DCDC2: variants seen among roughly 807,000 people sequenced by gnomAD.
DCDC2 encodes the protein doublecortin domain containing 2, also known as doublecortin domain-containing protein 2.
A neutral mutation model predicts 50.2 loss-of-function variants in DCDC2; 40 were observed. That is an observed-to-expected ratio of 0.80 (90% CI 0.62 to 1.04). The LOEUF is 1.04. DCDC2 is among the 50% of genes least tolerant of loss of function. The probability of loss-of-function intolerance (pLI) is 0.00; values close to 1 mark genes in which losing one functional copy is unlikely to be tolerated. For missense variants in DCDC2, 570 were observed against 581.9 expected (o/e 0.98, Z 0.21); for synonymous variants, 234 against 210.6 (o/e 1.11, Z -0.96).
At chr6:24,346,437 T>C (rs1324834117) in intron 2 of DCDC2, among the ~76,000 whole-genome samples, 1 of 152,144 alleles carries the variant, frequency 6.6e-6, no homozygotes, top group Non-Finnish European at 1.5e-5. Flanking sequence ...ATATCCACTC[T>C]AGTTCTACAA....
At chr6:24,253,799 G>A (rs1342778873) in intron 7 of DCDC2, among the ~76,000 whole-genome samples, 2 of 152,188 alleles carry the variant, frequency 1.3e-5, no homozygotes, top group South Asian at 2.1e-4. Context: ...TCAGTGGTGA[G>A]TGAAGGTGAA....
At chr6:24,210,090 G>GTCTT (rs1761833376) in intron 7 of DCDC2, among the ~76,000 whole-genome samples, 1 of 150,686 alleles carries the variant, frequency 6.6e-6, no homozygotes, top group African/African-American at 2.5e-5. Flanking sequence ...CTGCCTGTCT[G>GTCTT]TCTTCACCCT....
intron 6 of DCDC2, among the ~76,000 whole-genome samples, chr6:24,280,851 A>G (rs1019835952): frequency 6.6e-6 from 1 of 152,164 alleles, no homozygotes; most frequent in Non-Finnish European, 1.5e-5. Context: ...GATTTTAAAA[A>G]TTTAAAAGCT....
intron 7 of DCDC2, among the ~76,000 whole-genome samples, chr6:24,207,376 T>C (rs1490550316): frequency 2.0e-5 from 3 of 152,098 alleles, no homozygotes; most frequent in African/African-American, 7.2e-5. Context: ...TTTAAAACCA[T>C]ATCATGAGCA....
rs754765133 is a variant in DCDC2 at position 24,178,648 on chromosome 6, G to A, written c.1024-16C>T. The A allele has an allele frequency of 5.7e-5, 92 of 1,602,844 alleles. No homozygotes were observed. Among genetic ancestry groups the A allele is most frequent in the Non-Finnish European group, 7.2e-5 (85 of 1,175,700 alleles). ...CTGCTGGCCTCTGATGGATCAAAAG[G>A]AATAATGGATAAAAGTAAGAAGCAT... On this transcript the variant is annotated splice_polypyrimidine_tract_variant and intron_variant, in intron 8 of 9. Coordinates refer to ENST00000378454, the MANE Select transcript of DCDC2 (RefSeq NM_016356.5).
chr6:24,343,002 T>C (rs1386794106), intron 2 of DCDC2, among the ~76,000 whole-genome samples: 1 of 152,102 alleles, frequency 6.6e-6, no homozygotes, highest in African/African-American at 2.4e-5. Flanking sequence ...AGTCTTTTTA[T>C]ATCTGCAGGC....
At chr6:24,284,766 T>C (rs1763558010) in intron 6 of DCDC2, among the ~76,000 whole-genome samples, 1 of 152,124 alleles carries the variant, frequency 6.6e-6, no homozygotes, top group Non-Finnish European at 1.5e-5. Context: ...ACGGCCTTCT[T>C]TCTGCCCTCC....
intron 7 of DCDC2, among the ~76,000 whole-genome samples, chr6:24,263,828 A>AT (rs1489951724): frequency 3.3e-5 from 5 of 152,216 alleles, no homozygotes; most frequent in African/African-American, 1.2e-4. Flanking sequence ...TCAAAGACTA[A>AT]TAACAGAGAA....
upstream of DCDC2, among the ~76,000 whole-genome samples, chr6:24,358,963 TATTATATATTTTATAC>T (rs1760566100): frequency 1.2e-5 from 1 of 81,254 alleles, no homozygotes; most frequent in Non-Finnish European, 2.1e-5. Flanking sequence ...ATATATTATA[TATTATATATTTTATAC>T]ATTATATATT....
At chr6:24,274,843 C>T (rs1763317870) in intron 7 of DCDC2, among the ~76,000 whole-genome samples, 3 of 151,658 alleles carry the variant, frequency 2.0e-5, no homozygotes, top group South Asian at 4.2e-4. Context: ...AATGAAAATA[C>T]TATATAGGTA....
Position 24,204,974 on chromosome 6 carries a change from C to G in DCDC2, c.1023+28G>C, listed in dbSNP as rs78262046. 5.7e-3 allele frequency: 8,995 copies of G among 1,591,340 alleles called. 82 individuals are homozygous for G. Among genetic ancestry groups the G allele is most frequent in the African/African-American group, 0.038 (2,820 of 74,126 alleles). Reference sequence around the variant, plus strand: ...GAAAAAAAACACTATAATTGTCTTACACATATTTTTTAAGGCATGGAGATT... The same window carrying G: ...GAAAAAAAACACTATAATTGTCTTAGACATATTTTTTAAGGCATGGAGATT... On this transcript the variant is annotated intron_variant, in intron 8 of 9. Transcript: ENST00000378454.
chr6:24,360,506 A>G (rs1431799016), upstream of DCDC2, among the ~76,000 whole-genome samples: 2 of 152,178 alleles, frequency 1.3e-5, no homozygotes, highest in Non-Finnish European at 2.9e-5. Flanking sequence ...CATCTGTGCT[A>G]TTTGTGTAGA....
At chr6:24,184,844 C>G (rs1292953478) in intron 8 of DCDC2, among the ~76,000 whole-genome samples, 1 of 152,094 alleles carries the variant, frequency 6.6e-6, no homozygotes, top group South Asian at 2.1e-4. Context: ...TAAACTTGCC[C>G]TATTATTCAG....
upstream of DCDC2, among the ~76,000 whole-genome samples, chr6:24,360,633 A>G (rs1269104370): frequency 6.6e-6 from 1 of 152,160 alleles, no homozygotes; most frequent in African/African-American, 2.4e-5. Context: ...CACCAGGAAA[A>G]TGTTTAAAGA....
At chr6:24,359,234 A>ATATATTATATATAATATATGTTT (rs1238312828), upstream of DCDC2, among the ~76,000 whole-genome samples, 3 of 48,364 alleles carry the variant, frequency 6.2e-5, no homozygotes, top group Non-Finnish European at 9.4e-5. Flanking sequence ...TATATATTTT[A>ATATATTATATATAATATATGTTT]TATATTTTAT....
the DCDC2 span, among the ~76,000 whole-genome samples, chr6:24,369,761 C>A: frequency 6.6e-6 from 1 of 152,132 alleles, no homozygotes; most frequent in Non-Finnish European, 1.5e-5. Context: ...CTAATTAAGG[C>A]TAGGAGCAGT....
intron 6 of DCDC2, among the ~76,000 whole-genome samples, chr6:24,278,583 G>A (rs1427356018): frequency 6.6e-6 from 1 of 152,062 alleles, no homozygotes; most frequent in African/African-American, 2.4e-5. Flanking sequence ...GGGTTTAGAG[G>A]ATAAATCTTG....
At position 24,214,813 on chromosome 6, in the gene DCDC2, T is replaced by G. The variant is rs554186845; in HGVS notation, c.923-9711A>C. On this transcript the variant is annotated intron_variant, in intron 7 of 9. Transcript: ENST00000378454. ...GACCTTGTATCAGAAGAGTTAGCCA[T>G]ACTTCTATACGCTAGATTTATCATC... is the stretch of plus-strand genomic sequence containing the variant. 2.9e-4 allele frequency among the ~76,000 whole-genome samples: 44 copies of G among 152,360 alleles called. No individual in the cohort carries two copies. In the South Asian group the frequency reaches 8.5e-3, roughly 29 times the overall value.
chr6:24,181,320 T>G (rs1169111917), intron 8 of DCDC2, among the ~76,000 whole-genome samples: 1 of 152,134 alleles, frequency 6.6e-6, no homozygotes, highest in African/African-American at 2.4e-5. Context: ...GAGAAAAGTC[T>G]CCAATCTCTA....
Sources: allele counts gnomAD v4.1 joint callset (sites outside exome capture counted in the v4.1 genomes callset), GRCh38; gene constraint gnomAD v4.1.1; transcripts MANE v1.5; gene names NCBI Gene and HGNC (gene_info 2026-07-23, HGNC 2026-07-21).